Variants in ABCB7 observed in about 807,000 individuals in gnomAD.
The protein encoded by ABCB7 is iron-sulfur clusters transporter ABCB7, mitochondrial.
ABCB7 carries 7 observed loss-of-function variants against 54.4 expected under a neutral mutation model. The observed-to-expected ratio is 0.13, with a 90% CI of 0.07 to 0.24. The LOEUF (loss-of-function observed/expected upper bound fraction) is 0.24, where lower values mean the gene tolerates loss of function less well. Among genes scored for constraint, ABCB7 ranks in the 10% least tolerant of loss-of-function variants. The probability of loss-of-function intolerance (pLI) is 1.00; values close to 1 mark genes in which losing one functional copy is unlikely to be tolerated. For synonymous variants in ABCB7, 218 were observed against 207.1 expected (o/e 1.05, Z -0.45); for missense variants, 356 against 570.4 (o/e 0.62, Z 3.83).
In ABCB7 at chrX:75,065,166, A is replaced by T; in HGVS notation, c.1735T>A (p.Tyr579Asn). The stretch of plus-strand genomic sequence containing the variant: ...AGTCCAGCTAATTTTGCCACTGCAT[A>T]CACTTCCTCAGGTGAAGCACTGATG... ...GNISASPEEV[Y>N]AVAKLAGLHD... Residue 579 changes from tyrosine (Y) to asparagine (N), a missense_variant, in exon 13 of 16, where the codon TAT becomes AAT. By Grantham distance (143) the Tyr-to-Asn change is moderately radical (BLOSUM62 -2). This residue lies in a region of ABCB7 where 241 missense variants were observed against 470.9 expected (regional missense o/e 0.51). Coordinates refer to ENST00000373394, the MANE Select transcript of ABCB7 (RefSeq NM_001271696.3). The T allele has an allele frequency of 1.7e-6, 2 of 1,209,611 alleles. No individual in the cohort carries two copies. The highest frequency in any genetic ancestry group is 2.2e-6 in the Non-Finnish European group (2 of 893,789).
chrX:75,084,982 T>G (rs2081485615), intron 4 of ABCB7, among the ~76,000 whole-genome samples: 2 of 112,281 alleles, frequency 1.8e-5, no homozygotes, highest in Non-Finnish European at 3.8e-5. Flanking sequence ...CAACAGGAAC[T>G]CTTTCATATA....
intron 4 of ABCB7, among the ~76,000 whole-genome samples, chrX:75,077,916 CTT>C (rs779192815): frequency 0.028 from 2,652 of 96,361 alleles, 102 homozygotes; most frequent in African/African-American, 0.095. Context: ...TTCTTCTTTG[CTT>C]TTTTTTTTTT....
chrX:75,104,062 T>G (rs1159520727), intron 3 of ABCB7, among the ~76,000 whole-genome samples: 3 of 66,913 alleles, frequency 4.5e-5, no homozygotes, highest in Non-Finnish European at 8.1e-5. Flanking sequence ...TTTTTTTTTT[T>G]TTTTTTTTTT....
At chrX:75,061,918 T>C (rs2081284923) in intron 14 of ABCB7, among the ~76,000 whole-genome samples, 1 of 112,345 alleles carries the variant, frequency 8.9e-6, no homozygotes, top group African/African-American at 3.2e-5. Flanking sequence ...AGTGAAAGGC[T>C]TTCTGGTATG....
intron 4 of ABCB7, among the ~76,000 whole-genome samples, chrX:75,085,406 AG>A (rs773056037): frequency 1.2e-4 from 13 of 111,918 alleles, no homozygotes; most frequent in Non-Finnish European, 2.1e-4. Flanking sequence ...CTATAGTGAT[AG>A]AGGACAAATC....
At chrX:75,087,481 T>C (rs2081507333) in intron 4 of ABCB7, among the ~76,000 whole-genome samples, 1 of 112,250 alleles carries the variant, frequency 8.9e-6, no homozygotes, top group Non-Finnish European at 1.9e-5. Flanking sequence ...GCAAATGTCA[T>C]TAAAGATTTC....
At chrX:75,068,810 T>C (rs1051377675) in intron 12 of ABCB7, among the ~76,000 whole-genome samples, 197 bp downstream of exon 12, 3 of 112,004 alleles carry the variant, frequency 2.7e-5, no homozygotes, top group African/African-American at 9.7e-5. Flanking sequence ...CAGGGCTTCC[T>C]ATCATGCAGA....
intron 5 of ABCB7, 69 bp downstream of exon 5, chrX:75,076,453 T>G: frequency 1.1e-5 from 13 of 1,155,408 alleles, no homozygotes; most frequent in Non-Finnish European, 1.5e-5. Flanking sequence ...AAAGGTCATC[T>G]GCTCAAATAT....
chrX:75,144,111 TATATTACTTCA>T (rs1195073953), intron 1 of ABCB7, among the ~76,000 whole-genome samples: 1 of 111,545 alleles, frequency 9.0e-6, no homozygotes, highest in Non-Finnish European at 1.9e-5. Flanking sequence ...ACTTCTCTCC[TATATTACTTCA>T]ATATTCTCTT....
intron 13 of ABCB7, among the ~76,000 whole-genome samples, chrX:75,064,023 A>G (rs928025440): frequency 3.6e-5 from 4 of 111,328 alleles, no homozygotes; most frequent in African/African-American, 1.3e-4. Context: ...GGTGGGCCAG[A>G]TAACTGGAAA....
intron 13 of ABCB7, among the ~76,000 whole-genome samples, chrX:75,063,319 G>A (rs1569216897): frequency 9.0e-6 from 1 of 110,965 alleles, no homozygotes; most frequent in Non-Finnish European, 1.9e-5. Flanking sequence ...GTACTCTGCT[G>A]ACTATGTCCC....
At chrX:75,114,703 G>A (rs914682162) in intron 2 of ABCB7, 51 bp downstream of exon 2, 1 of 1,073,714 alleles carries the variant, frequency 9.3e-7, no homozygotes, top group South Asian at 1.9e-5. Context: ...AATACTCCAA[G>A]GGTTTACAGG....
At position 75,052,058 on chromosome X, in the gene ABCB7, A is replaced by C. The variant is rs988473820; in HGVS notation, c.*1312T>G. 8.9e-6 allele frequency: 1 copy of C among 112,438 alleles called. No homozygotes were observed. The highest frequency in any genetic ancestry group is 3.2e-5 in the African/African-American group (1 of 30,953). 9.3% of individuals were successfully genotyped at this position (112,438 alleles called of 1,213,427 possible). ...GCCTCATATTTTTATGGAAAAATAA[A>C]ATTCTAATCACTAGATGATAGTTAT... On this transcript the variant is annotated 3_prime_UTR_variant, in exon 16 of 16. Coordinates refer to ENST00000373394, the MANE Select transcript of ABCB7 (RefSeq NM_001271696.3).
intron 1 of ABCB7, among the ~76,000 whole-genome samples, chrX:75,126,889 C>T (rs762255264): frequency 5.4e-4 from 60 of 111,432 alleles, no homozygotes; most frequent in Non-Finnish European, 3.4e-4. Context: ...AGACCAATAA[C>T]AAGTTCTGAA....
intron 6 of ABCB7, 83 bp from the exon 7 acceptor site, chrX:75,074,039 G>T: frequency 1.2e-6 from 1 of 814,876 alleles, no homozygotes; most frequent in Non-Finnish European, 1.8e-6. Context: ...GCAAATCTCG[G>T]TCAAAAGATT....
At chrX:75,143,124 GCT>G (rs1363429625) in intron 1 of ABCB7, among the ~76,000 whole-genome samples, 1 of 111,771 alleles carries the variant, frequency 8.9e-6, no homozygotes, top group East Asian at 2.8e-4. Context: ...AGCACAAAGG[GCT>G]CTGTTTCCTT....
At chrX:75,098,827 G>T in intron 4 of ABCB7, 115 bp downstream of exon 4, 1 of 867,258 alleles carries the variant, frequency 1.2e-6, no homozygotes, top group Non-Finnish European at 1.7e-6. Flanking sequence ...ACTAAATGAG[G>T]GTCCTAAAAG....
intron 4 of ABCB7, 34 bp from the exon 5 acceptor site, chrX:75,076,688 C>A (rs778452660): frequency 2.6e-6 from 3 of 1,171,181 alleles, no homozygotes; most frequent in Admixed American, 4.4e-5. Context: ...ACCCATTATA[C>A]ACAAAATACT....
At chrX:75,134,234 G>A (rs901069842) in intron 1 of ABCB7, among the ~76,000 whole-genome samples, 1 of 111,353 alleles carries the variant, frequency 9.0e-6, no homozygotes, top group African/African-American at 3.3e-5. Flanking sequence ...GGACAAAGAA[G>A]GGCATTACAT....
Sources: allele counts gnomAD v4.1 joint callset (sites outside exome capture counted in the v4.1 genomes callset), GRCh38; gene constraint gnomAD v4.1.1; regional missense constraint gnomAD v4.1.1; transcripts MANE v1.5; gene names NCBI Gene and HGNC (gene_info 2026-07-23, HGNC 2026-07-21).